The following SS18L1 variants were observed in gnomAD, a reference collection of about 807,000 sequenced individuals.
SS18L1 encodes the protein calcium-responsive transactivator.
A neutral mutation model predicts 70.3 loss-of-function variants in SS18L1; 32 were observed. The ratio of observed to expected loss-of-function variants is 0.46; its 90% confidence interval spans 0.34 to 0.61. SS18L1 has a LOEUF of 0.61. SS18L1 is among the 20% of genes least tolerant of loss of function. The pLI, the probability that SS18L1 is intolerant of heterozygous loss-of-function variation, is 0.01. For synonymous variants in SS18L1, 237 were observed against 229.7 expected, an observed-to-expected ratio of 1.03 and a Z score of -0.29; for missense variants, 430 against 542.1, an observed-to-expected ratio of 0.79 and a Z score of 2.05.
At chr20:62,146,202 G>A (rs1034352250) in intron 1 of SS18L1, among the ~76,000 whole-genome samples, 2 of 152,210 alleles carry the variant, frequency 1.3e-5, no homozygotes, top group Non-Finnish European at 2.9e-5. Flanking sequence ...CCTCACTCAC[G>A]TGTTCCGCGT....
intron 1 of SS18L1, among the ~76,000 whole-genome samples, chr20:62,153,802 G>A (rs2057176092): frequency 6.6e-6 from 1 of 152,178 alleles, no homozygotes; most frequent in Non-Finnish European, 1.5e-5. Flanking sequence ...CTTGGGTTGG[G>A]TCTTGGGTCT....
chr20:62,165,332 A>G (rs1040113128), intron 7 of SS18L1, 90 bp from the exon 8 acceptor site: 4 of 1,306,760 alleles, frequency 3.1e-6, no homozygotes, highest in African/African-American at 2.9e-5. Flanking sequence ...TGGCCAGACA[A>G]CATCTCCCCA....
At chr20:62,175,538 A>T (rs762750019) in intron 10 of SS18L1, 5 of 743,468 alleles carry the variant, frequency 6.7e-6, no homozygotes, top group Non-Finnish European at 8.2e-6. Flanking sequence ...AGCACAGGGC[A>T]TATGAAGGAG....
At chr20:62,166,534 C>G (rs956274775) in intron 8 of SS18L1, among the ~76,000 whole-genome samples, 2 of 152,122 alleles carry the variant, frequency 1.3e-5, no homozygotes, top group Non-Finnish European at 2.9e-5. Context: ...AGAAACATCA[C>G]GGTGTGCGCT....
At chr20:62,165,933 C>T (rs1389605112) in intron 8 of SS18L1, among the ~76,000 whole-genome samples, 1 of 152,208 alleles carries the variant, frequency 6.6e-6, no homozygotes, top group Non-Finnish European at 1.5e-5. Context: ...AGTGGCTGCG[C>T]TGGGTGTGGC....
At position 62,165,458 on chromosome 20, in the gene SS18L1, C is replaced by T. The variant is rs759619267; in HGVS notation, c.860C>T (p.Thr287Met). The T allele has an allele frequency of 6.8e-6, 11 of 1,613,066 alleles. No individual in the cohort carries two copies. Among genetic ancestry groups the T allele is most frequent in the African/African-American group, 1.3e-5 (1 of 74,924 alleles). Residue 287 changes from threonine (T) to methionine (M), a missense_variant, in exon 8 of 11, where the codon ACG becomes ATG. Coordinates refer to ENST00000331758, the MANE Select transcript of SS18L1 (RefSeq NM_198935.3). ...GDYAYQQSSYTEQSYDRSFEE... is the reference protein window; with the variant it reads ...GDYAYQQSSYMEQSYDRSFEE... ...TACGCCTACCAGCAGTCATCCTACA[C>T]GGAGCAGAGCTACGACCGGTCCTTC...
chr20:62,179,482 T>G lies in SS18L1; in HGVS notation c.*274T>G. The G allele has an allele frequency of 1.9e-6, 1 of 521,080 alleles. No homozygotes were observed. Among genetic ancestry groups the G allele is most frequent in the Non-Finnish European group, 3.5e-6 (1 of 288,736 alleles). The allele number at this position is 521,080 out of a possible 1,614,324, so 32.3% of individuals were successfully genotyped here. On this transcript the variant is annotated 3_prime_UTR_variant, in exon 11 of 11. Transcript: ENST00000331758. ...CCTTTTTTTGTCCCCCGCCCCCTTC[T>G]CAATGTTTCTAGCTAGCTTTGGGGG... is the stretch of plus-strand genomic sequence containing the variant.
Position 62,161,962 on chromosome 20 carries a change from T to C in SS18L1, c.376+382T>C, listed in dbSNP as rs1278868606. Among the ~76,000 whole-genome samples the C allele has an allele frequency of 6.6e-6, 1 of 152,232 alleles. No homozygotes were observed. The stretch of plus-strand genomic sequence containing the variant: ...CAGGCCGGGTGTGGTGGCTCAGATC[T>C]CTAATCCCAACCCTTTGTGAGGCCT... On this transcript the variant is annotated intron_variant, in intron 4 of 10. Coordinates refer to ENST00000331758, the MANE Select transcript of SS18L1 (RefSeq NM_198935.3). The surrounding 1 kb of genome is among the most constrained non-coding windows in gnomAD (Gnocchi z 4.4).
intron 8 of SS18L1, 29 bp downstream of exon 8, chr20:62,165,543 G>T: frequency 7.8e-7 from 1 of 1,274,692 alleles, no homozygotes; most frequent in East Asian, 3.1e-5. Context: ...TGCTGGGCTC[G>T]AGCGTAAGCG....
chr20:62,179,122 CGTCT>C, intron 10 of SS18L1, 56 bp from the exon 11 acceptor site: 1 of 1,594,204 alleles, frequency 6.3e-7, no homozygotes, highest in Non-Finnish European at 8.6e-7. Context: ...CTGGGGTGGA[CGTCT>C]GTCTTCCTTT....
At chr20:62,170,505 CGAAAA>C (rs771720058) in intron 8 of SS18L1, among the ~76,000 whole-genome samples, 8 of 151,962 alleles carry the variant, frequency 5.3e-5, no homozygotes, top group African/African-American at 7.3e-5. Context: ...GACTCCATCT[CGAAAA>C]GAAAAGAAAG....
At position 62,161,377 on chromosome 20, in the gene SS18L1, G is replaced by A; in HGVS notation, c.232-59G>A. 1.2e-6 allele frequency: 2 copies of A among 1,611,892 alleles called. No homozygotes were observed. The highest frequency in any genetic ancestry group is 1.7e-6 in the Non-Finnish European group (2 of 1,179,660). On this transcript the variant is annotated intron_variant, in intron 3 of 10. Transcript: ENST00000331758. This position sits in a 1 kb window ranked among gnomAD's most constrained non-coding sequence, Gnocchi z 4.4. ...TGCCCTCTCATCCCTGGCCTGGCTT[G>A]TGGAGGTCGCTCTCCGTAAATTAAC... is the stretch of plus-strand genomic sequence containing the variant.
chr20:62,156,733 G>A (rs1438468689), intron 1 of SS18L1, among the ~76,000 whole-genome samples: 1 of 152,184 alleles, frequency 6.6e-6, no homozygotes, highest in Non-Finnish European at 1.5e-5. Context: ...GGGCCACGTT[G>A]CAGGGTGGAG....
rs2057281048 is a variant in SS18L1, at chr20:62,159,233, G to A, written c.146+485G>A. On this transcript the variant is annotated intron_variant, in intron 2 of 10. Transcript: ENST00000331758. The surrounding 1 kb of genome is among the most constrained non-coding windows in gnomAD (Gnocchi z 4.4). ...GCACCTACTCCAGGTGGGACCTCCTGTGACCCTGTGAACCTAGGGCCTGAT... is the reference window on the plus strand; with the variant it reads ...GCACCTACTCCAGGTGGGACCTCCTATGACCCTGTGAACCTAGGGCCTGAT... Among the ~76,000 whole-genome samples, 1 of 152,156 alleles carries A rather than the reference G, an allele frequency of 6.6e-6. No homozygotes were observed. Among genetic ancestry groups the A allele is most frequent in the Non-Finnish European group, 1.5e-5 (1 of 68,016 alleles).
chr20:62,151,963 TCCC>T lies in SS18L1; in HGVS notation c.70-6707_70-6705del, dbSNP rs1167184311. Among the ~76,000 whole-genome samples the T allele has an allele frequency of 3.4e-5, 5 of 146,594 alleles. No individual in the cohort carries two copies. In the East Asian group the frequency reaches 1.0e-3, roughly 30 times the overall value. ...TCTCCCCAGAGCTGGCCTCCCCCGT[TCCC>T]CTCTTTTCCCGGTCCCCAGGGCTGG... On this transcript the variant is annotated intron_variant, in intron 1 of 10. Coordinates refer to ENST00000331758, the MANE Select transcript of SS18L1 (RefSeq NM_198935.3).
rs1453733138 is a variant in SS18L1 at position 62,161,291 on chromosome 20, C to T, written c.232-145C>T. ...GTGCTCTGCGGTCACCTGGCTGTGA[C>T]GATGGCTGCTGATTACGAACATTGA... On this transcript the variant is annotated intron_variant, in intron 3 of 10. Coordinates refer to ENST00000331758, the MANE Select transcript of SS18L1 (RefSeq NM_198935.3). This position sits in a 1 kb window ranked among gnomAD's most constrained non-coding sequence, Gnocchi z 4.4. 4.1e-5 allele frequency: 48 copies of T among 1,158,254 alleles called. No individual in the cohort carries two copies. Among genetic ancestry groups the T allele is most frequent in the South Asian group, 1.4e-4 (10 of 72,248 alleles). 71.7% of individuals were successfully genotyped at this position (1,158,254 alleles called of 1,614,324 possible).
intron 10 of SS18L1, among the ~76,000 whole-genome samples, chr20:62,178,365 C>G (rs1341279447): frequency 1.3e-5 from 2 of 151,794 alleles, no homozygotes; most frequent in South Asian, 2.1e-4. Context: ...GTTGGCCAGG[C>G]TGGTCTTGAA....
chr20:62,148,491 C>T (rs2427252), intron 1 of SS18L1, among the ~76,000 whole-genome samples: 4 of 135,272 alleles, frequency 3.0e-5, no homozygotes, highest in Non-Finnish European at 4.6e-5. Context: ...TTGCTCTCTT[C>T]GGTCAGGTGA....
At chr20:62,169,019 G>A (rs2057482609) in intron 8 of SS18L1, among the ~76,000 whole-genome samples, 2 of 152,120 alleles carry the variant, frequency 1.3e-5, no homozygotes, top group Non-Finnish European at 1.5e-5. Flanking sequence ...CGGGGGCCAC[G>A]GGGTCACTTG....
Sources: gnomAD v4.1 joint callset for allele counts (sites outside exome capture counted in the v4.1 genomes callset) on GRCh38, gnomAD v4.1.1 for gene constraint, Gnocchi (gnomAD v3.1) non-coding constraint, MANE v1.5 for transcripts, NCBI Gene and HGNC (gene_info 2026-07-23, HGNC 2026-07-21) for gene names.